ADGRL1: variants seen among roughly 807,000 people sequenced by gnomAD.
ADGRL1 encodes CIRL-1.
Under a neutral mutation model 148.9 loss-of-function variants are expected in ADGRL1, and 31 were observed. That is an observed-to-expected ratio of 0.21 (90% CI 0.16 to 0.28). ADGRL1 has a LOEUF of 0.28. Among genes scored for constraint, ADGRL1 ranks in the 10% least tolerant of loss-of-function variants. The pLI is 1.00. For missense variants in ADGRL1, 1,521 were observed against 2,058.8 expected (o/e 0.74, Z 5.05); for synonymous variants, 937 against 900.3 (o/e 1.04, Z -0.73).
chr19:14,183,712 G>A lies in ADGRL1; in HGVS notation c.-95-15C>T. Reference sequence around the variant, plus strand: ...GGACCACCAGCCTGGGGGAGGACAGGGAGACTGAGGTGGGGATAGGGCCTC... The same window carrying A: ...GGACCACCAGCCTGGGGGAGGACAGAGAGACTGAGGTGGGGATAGGGCCTC... On this transcript the variant is annotated splice_polypyrimidine_tract_variant and intron_variant, in intron 1 of 22. Transcript: ENST00000361434. 1 of 980,006 alleles carries A rather than the reference G, an allele frequency of 1.0e-6. No homozygotes were observed. Among genetic ancestry groups the A allele is most frequent in the Admixed American group, 2.4e-5 (1 of 41,604 alleles). The allele number at this position is 980,006 out of a possible 1,614,324, so 60.7% of individuals were successfully genotyped here. A position where few individuals can be genotyped will look rare whatever the true frequency, so the allele number is the denominator to read the frequency against.
At chr19:14,194,979 G>C (rs992942425) in intron 1 of ADGRL1, among the ~76,000 whole-genome samples, 2 of 151,120 alleles carry the variant, frequency 1.3e-5, no homozygotes, top group Non-Finnish European at 2.9e-5. Flanking sequence ...CATCCTCCCA[G>C]GCTCAAGTGA....
At chr19:14,177,436 TA>T (rs1250740260) in intron 3 of ADGRL1, 94 bp downstream of exon 3, 164 of 1,176,124 alleles carry the variant, frequency 1.4e-4, no homozygotes, top group Non-Finnish European at 1.6e-4. Flanking sequence ...GTTGAATGCA[TA>T]AAAAAAAGAT....
chr19:14,165,243 C>T (rs746871846), intron 4 of ADGRL1, among the ~76,000 whole-genome samples: 38 of 152,332 alleles, frequency 2.5e-4, no homozygotes, highest in South Asian at 1.0e-3. Flanking sequence ...GGAGCCAAAA[C>T]GACCCTGGCT....
chr19:14,176,031 G>A (rs531990307), intron 3 of ADGRL1, among the ~76,000 whole-genome samples: 48 of 150,984 alleles, frequency 3.2e-4, no homozygotes, highest in Non-Finnish European at 5.9e-4. Context: ...TGCAGCCTGG[G>A]CGACAGAGCA....
rs1034461654 is a variant in ADGRL1, at chr19:14,160,531, G to A, written c.1614+62C>T. On this transcript the variant is annotated intron_variant, in intron 7 of 22. Coordinates refer to ENST00000361434, the MANE Select transcript of ADGRL1 (RefSeq NM_014921.5). The surrounding 1 kb of genome is among the most constrained non-coding windows in gnomAD (Gnocchi z 5.9). ...TCTCCCCAGCTGCTCCACGACCCCC[G>A]CTGGGCCCTGGGCCCTGGGCCCGAG... The A allele has an allele frequency of 8.6e-6, 11 of 1,272,306 alleles. No homozygotes were observed. The African/African-American group carries it at 1.0e-4, about 12-fold the overall frequency. The allele number at this position is 1,272,306 out of a possible 1,614,324, so 78.8% of individuals were successfully genotyped here.
intron 3 of ADGRL1, among the ~76,000 whole-genome samples, chr19:14,176,517 C>T (rs1043312015): frequency 3.9e-5 from 6 of 152,088 alleles, no homozygotes; most frequent in Non-Finnish European, 8.8e-5. Flanking sequence ...CAGGTGTCTC[C>T]TCCTTGGAGT....
Position 14,155,673 on chromosome 19 carries a change from G to A in ADGRL1, c.3126-146C>T. The A allele has an allele frequency of 6.9e-6, 5 of 725,468 alleles. No homozygotes were observed. The highest frequency in any genetic ancestry group is 1.1e-5 in the Non-Finnish European group (5 of 447,510). The allele number at this position is 725,468 out of a possible 1,614,324, so 44.9% of individuals were successfully genotyped here. On this transcript the variant is annotated intron_variant, in intron 17 of 22. Transcript: ENST00000361434. The surrounding 1 kb of genome is among the most constrained non-coding windows in gnomAD (Gnocchi z 5.0). ...TGAGCGGGCCGAGTGGGCCTTGGGG[G>A]CAGTGGCCTGCCCAGGACACCTCCA...
intron 4 of ADGRL1, chr19:14,167,150 TTC>T (rs1288569524): frequency 1.5e-5 from 13 of 846,894 alleles, no homozygotes; most frequent in Non-Finnish European, 2.5e-5. Flanking sequence ...ACGCCCCCTT[TTC>T]CTTTCCTTCC....
chr19:14,183,890 G>C (rs991534196), intron 1 of ADGRL1, among the ~76,000 whole-genome samples, 193 bp from the exon 2 acceptor site: 1 of 152,148 alleles, frequency 6.6e-6, no homozygotes, highest in African/African-American at 2.4e-5. Context: ...GCCAGACCCA[G>C]CTATCTGGGC....
At chr19:14,165,363 G>A (rs2144792173) in intron 4 of ADGRL1, among the ~76,000 whole-genome samples, 2 of 152,324 alleles carry the variant, frequency 1.3e-5, no homozygotes, top group South Asian at 4.1e-4. Context: ...CCCCCACCAG[G>A]TGTGTGGCAT....
At chr19:14,167,951 G>C (rs1375120026) in intron 4 of ADGRL1, among the ~76,000 whole-genome samples, 1 of 152,110 alleles carries the variant, frequency 6.6e-6, no homozygotes, top group Non-Finnish European at 1.5e-5. Context: ...AGGGGAGGAA[G>C]GGGCGCGGTT....
At position 14,155,163 on chromosome 19, in the gene ADGRL1, C is replaced by T. The variant is rs1461215503; in HGVS notation, c.3294+196G>A. ...ATCTTGTTTTCCAGAACCCTCTTCACCCGTGGTTAAACCCTCCCTAACCCT... is the reference window on the plus strand; with the variant it reads ...ATCTTGTTTTCCAGAACCCTCTTCATCCGTGGTTAAACCCTCCCTAACCCT... On this transcript the variant is annotated intron_variant, in intron 18 of 22. Transcript: ENST00000361434. The surrounding 1 kb of genome is among the most constrained non-coding windows in gnomAD (Gnocchi z 5.0). The T allele has an allele frequency of 3.9e-6, 2 of 513,694 alleles. No individual in the cohort carries two copies. Among genetic ancestry groups the T allele is most frequent in the Non-Finnish European group, 6.9e-6 (2 of 289,428 alleles). The allele number at this position is 513,694 out of a possible 1,614,324, so 31.8% of individuals were successfully genotyped here.
intron 1 of ADGRL1, among the ~76,000 whole-genome samples, chr19:14,204,672 AAGAG>A (rs1299687736): frequency 6.7e-6 from 1 of 149,946 alleles, no homozygotes; most frequent in Non-Finnish European, 1.5e-5. Context: ...CAGAGAGGGG[AAGAG>A]AGAAAGACAG....
intron 1 of ADGRL1, among the ~76,000 whole-genome samples, chr19:14,200,362 G>A (rs7247760): frequency 0.065 from 9,945 of 152,236 alleles, 342 homozygotes; most frequent in African/African-American, 0.097. Context: ...AAATGGGGCC[G>A]CCCCTCTGCC....
At position 14,149,363 on chromosome 19, in the gene ADGRL1, C is replaced by T. The variant is rs1250908445; in HGVS notation, c.*1510G>A. The T allele has an allele frequency of 6.5e-6, 1 of 152,736 alleles. No individual in the cohort carries two copies. The highest frequency in any genetic ancestry group is 1.5e-5 in the Non-Finnish European group (1 of 68,122). The allele number at this position is 152,736 out of a possible 1,614,324, so 9.5% of individuals were successfully genotyped here. A position where few individuals can be genotyped will look rare whatever the true frequency, so the allele number is the denominator to read the frequency against. ...TGCCCCTCCCCATCCCCCAGACCGC[C>T]TTGCCGTTCCCAGCACCCTCCTCAG... On this transcript the variant is annotated 3_prime_UTR_variant, in exon 23 of 23. Transcript: ENST00000361434.
Position 14,162,946 on chromosome 19 carries a change from C to A in ADGRL1, c.855G>T (p.Leu285=). ...TGTAGGGGTTCAGCTGGCTCACCACCAGCCGCCCGTTGTTGCCCTCAGTGG... is the reference window on the plus strand; with the variant it reads ...TGTAGGGGTTCAGCTGGCTCACCACAAGCCGCCCGTTGTTGCCCTCAGTGG... ...IYATEGNNGR[L]VVSQLNPYTL... The change falls in exon 5 of 23, where the codon CTG becomes CTT. Residue 285 remains leucine, a synonymous_variant. Coordinates refer to ENST00000361434, the MANE Select transcript of ADGRL1 (RefSeq NM_014921.5). This position sits in a 1 kb window ranked among gnomAD's most constrained non-coding sequence, Gnocchi z 5.4. 1 of 1,613,618 alleles carries A rather than the reference C, an allele frequency of 6.2e-7. No homozygotes were observed. Among genetic ancestry groups the A allele is most frequent in the Middle Eastern group, 1.7e-4 (1 of 6,060 alleles).
At chr19:14,158,638 C>T (rs1969018131) in intron 11 of ADGRL1, 86 bp from the exon 12 acceptor site, 1 of 1,130,970 alleles carries the variant, frequency 8.8e-7, no homozygotes, top group Non-Finnish European at 1.3e-6. Context: ...GCTCAGCCAG[C>T]TCCTCAGCCC....
intron 2 of ADGRL1, among the ~76,000 whole-genome samples, chr19:14,182,777 G>T (rs1188261339): frequency 6.6e-6 from 1 of 152,198 alleles, no homozygotes; most frequent in East Asian, 1.9e-4. Context: ...GAGTGAGGTT[G>T]CTGGCCAGCG....
In ADGRL1 at chr19:14,164,607, G is replaced by A. The variant is rs576524609; in HGVS notation, c.395-1201C>T. 1,066 of 143,018 alleles carry A rather than the reference G, an allele frequency of 7.5e-3. 8 individuals carry two copies. Among genetic ancestry groups the A allele is most frequent in the Admixed American group, 0.01 (146 of 14,504 alleles). 8.9% of individuals were successfully genotyped at this position (143,018 alleles called of 1,614,324 possible). ...CCAGGCCCCCCACCTCCCCTGGCCC[G>A]GACCCCGATTTACCTGCGACCATCC... On this transcript the variant is annotated intron_variant, in intron 4 of 22. Transcript: ENST00000361434.
Sources: gnomAD v4.1 joint callset for allele counts (sites outside exome capture counted in the v4.1 genomes callset) on GRCh38, gnomAD v4.1.1 for gene constraint, Gnocchi (gnomAD v3.1) non-coding constraint, MANE v1.5 for transcripts, NCBI Gene and HGNC (gene_info 2026-07-23, HGNC 2026-07-21) for gene names.